Variants in ADGRL2 observed in about 807,000 individuals in gnomAD.
ADGRL2 encodes the protein adhesion G protein-coupled receptor L2.
ADGRL2 carries 44 observed loss-of-function variants against 157.4 expected under a neutral mutation model. The observed-to-expected ratio is 0.28, with a 90% CI of 0.22 to 0.36. The LOEUF is 0.36. ADGRL2 is among the 10% of genes least tolerant of loss of function. ADGRL2 has a pLI of 1.00. For synonymous variants in ADGRL2, 585 were observed against 624.7 expected (o/e 0.94, Z 0.95); for missense variants, 1,510 against 1,768.9 (o/e 0.85, Z 2.63).
chr1:81,683,655 A>ATGTGTGTG (rs142461133), intron 3 of ADGRL2, among the ~76,000 whole-genome samples: 8 of 150,750 alleles, frequency 5.3e-5, no homozygotes, highest in Admixed American at 2.6e-4. Flanking sequence ...GTATTCCATT[A>ATGTGTGTG]TGTGTGTGTG....
At chr1:81,554,650 T>C (rs2080230259) in intron 2 of ADGRL2, among the ~76,000 whole-genome samples, 1 of 152,122 alleles carries the variant, frequency 6.6e-6, no homozygotes, top group African/African-American at 2.4e-5. Context: ...TTATTTAGGC[T>C]TTTAGTCAAG....
intron 1 of ADGRL2, among the ~76,000 whole-genome samples, chr1:81,421,793 T>C (rs1314772481): frequency 6.6e-6 from 1 of 152,184 alleles, no homozygotes; most frequent in Non-Finnish European, 1.5e-5. Flanking sequence ...TAGTTGCCTC[T>C]TTTTGGCATA....
rs1658833004 is a variant in ADGRL2, at chr1:81,971,795, T to C, written c.2955-57T>C. On this transcript the variant is annotated intron_variant, in intron 16 of 23. Coordinates refer to ENST00000686636, the MANE Select transcript of ADGRL2 (RefSeq NM_001366006.2). The stretch of plus-strand genomic sequence containing the variant: ...TAGGTTTTTAAAATCCTATTTTCCT[T>C]GTGATGTTGAGGTTCCATAGAAACT... 3 of 889,090 alleles carry C rather than the reference T, an allele frequency of 3.4e-6. No individual in the cohort carries two copies. The East Asian group carries it at 7.4e-5, about 22-fold the overall frequency. The allele number at this position is 889,090 out of a possible 1,614,324, so 55.1% of individuals were successfully genotyped here.
At chr1:81,585,740 A>G (rs986217229) in intron 3 of ADGRL2, among the ~76,000 whole-genome samples, 1 of 152,096 alleles carries the variant, frequency 6.6e-6, no homozygotes, top group Non-Finnish European at 1.5e-5. Context: ...GAAAAGTCCA[A>G]CAGTGGTTCC....
intron 2 of ADGRL2, among the ~76,000 whole-genome samples, chr1:81,543,739 C>T (rs7527341): frequency 0.32 from 48,710 of 151,862 alleles, 8,362 homozygotes; most frequent in East Asian, 0.51. Flanking sequence ...AAGAACCCTA[C>T]GATAGTTTCC....
chr1:81,393,156 C>G (rs1490256318), intron 1 of ADGRL2, among the ~76,000 whole-genome samples: 1 of 152,044 alleles, frequency 6.6e-6, no homozygotes, highest in Non-Finnish European at 1.5e-5. Context: ...AACTAGTTCC[C>G]TACTCTCTCA....
intron 1 of ADGRL2, among the ~76,000 whole-genome samples, chr1:81,819,704 C>T (rs1316976579): frequency 1.3e-5 from 2 of 152,090 alleles, no homozygotes; most frequent in Non-Finnish European, 2.9e-5. Flanking sequence ...TAAAAGCTAT[C>T]GTAATCTGGT....
intron 3 of ADGRL2, among the ~76,000 whole-genome samples, chr1:81,630,677 G>A (rs1368744827): frequency 6.6e-6 from 1 of 151,900 alleles, no homozygotes; most frequent in Non-Finnish European, 1.5e-5. Context: ...TTATATATTG[G>A]GCTTGATTAG....
intron 2 of ADGRL2, among the ~76,000 whole-genome samples, chr1:81,521,264 TA>T (rs1234048886): frequency 1.8e-4 from 27 of 152,204 alleles, no homozygotes; most frequent in African/African-American, 5.5e-4. Flanking sequence ...AATTATACTA[TA>T]TAGTGATGTG....
intron 1 of ADGRL2, among the ~76,000 whole-genome samples, chr1:81,324,776 T>C (rs1660776576): frequency 6.6e-6 from 1 of 151,960 alleles, no homozygotes; most frequent in African/African-American, 2.4e-5. Flanking sequence ...GAAAGCAGTG[T>C]CTCAATCTCG....
Position 81,985,242 on chromosome 1 carries a change from C to CTGTTT in ADGRL2, c.3412-13_3412-9dup, listed in dbSNP as rs1302410779. 1.4e-6 allele frequency: 2 copies of CTGTTT among 1,381,824 alleles called. No individual in the cohort carries two copies. The highest frequency in any genetic ancestry group is 1.8e-5 in the Admixed American group (1 of 55,404). 85.6% of individuals were successfully genotyped at this position (1,381,824 alleles called of 1,614,324 possible). ...AAACTAACAAAACATATTTGTCTTG[C>CTGTTT]TGTTTTGTATTAATAGAGTCGTATA... On this transcript the variant is annotated splice_polypyrimidine_tract_variant and intron_variant, in intron 20 of 23. Transcript: ENST00000686636.
At chr1:81,367,323 A>G (rs2076083581) in intron 1 of ADGRL2, among the ~76,000 whole-genome samples, 1 of 152,190 alleles carries the variant, frequency 6.6e-6, no homozygotes, top group Non-Finnish European at 1.5e-5. Context: ...CCCATCACCC[A>G]GGTATTAAGC....
At position 81,950,938 on chromosome 1, in the gene ADGRL2, G is replaced by A. The variant is rs1651579390; in HGVS notation, c.1505-80G>A. On this transcript the variant is annotated intron_variant, in intron 7 of 23. Coordinates refer to ENST00000686636, the MANE Select transcript of ADGRL2 (RefSeq NM_001366006.2). ...GTTTATTCAAAATTTAACACGCAGA[G>A]CAGGATCATCATAGCTGATTCCCGA... The A allele has an allele frequency of 5.7e-6, 5 of 876,704 alleles. No individual in the cohort carries two copies. The East Asian group carries it at 9.7e-5, about 17-fold the overall frequency. The allele number at this position is 876,704 out of a possible 1,614,324, so 54.3% of individuals were successfully genotyped here.
chr1:81,803,937 T>C (rs2088719625), intron 1 of ADGRL2, among the ~76,000 whole-genome samples: 1 of 152,214 alleles, frequency 6.6e-6, no homozygotes, highest in Non-Finnish European at 1.5e-5. Context: ...ATGAAGAAAG[T>C]CACATCCTTT....
At chr1:81,400,816 G>A (rs1284882955) in intron 1 of ADGRL2, among the ~76,000 whole-genome samples, 1 of 152,080 alleles carries the variant, frequency 6.6e-6, no homozygotes, top group Non-Finnish European at 1.5e-5. Context: ...TGGGAAGCGG[G>A]TCCAGCTCCA....
At chr1:81,892,068 A>G (rs2094282286) in intron 2 of ADGRL2, among the ~76,000 whole-genome samples, 1 of 151,758 alleles carries the variant, frequency 6.6e-6, no homozygotes, top group African/African-American at 2.4e-5. Flanking sequence ...TTTTAGGTTG[A>G]GATACATTTT....
chr1:81,943,841 T>C lies in ADGRL2; in HGVS notation c.1210+72T>C. On this transcript the variant is annotated intron_variant, in intron 6 of 23. Transcript: ENST00000686636. The surrounding 1 kb of genome is among the most constrained non-coding windows in gnomAD (Gnocchi z 5.6). Reference sequence around the variant, plus strand: ...TTTTTCTTTTTAAAGACTTCTTAATTTTTTTTTCCTATTTTCTTCCCCTTT... The same window carrying C: ...TTTTTCTTTTTAAAGACTTCTTAATCTTTTTTTCCTATTTTCTTCCCCTTT... 8.2e-7 allele frequency: 1 copy of C among 1,224,182 alleles called. No homozygotes were observed. The highest frequency in any genetic ancestry group is 1.2e-6 in the Non-Finnish European group (1 of 868,646). The allele number at this position is 1,224,182 out of a possible 1,614,324, so 75.8% of individuals were successfully genotyped here.
At chr1:81,834,323 GTTAT>G (rs905986797) in intron 1 of ADGRL2, among the ~76,000 whole-genome samples, 2 of 152,102 alleles carry the variant, frequency 1.3e-5, no homozygotes, top group African/African-American at 4.8e-5. Flanking sequence ...TTCTGGTTTT[GTTAT>G]TTGTTTTTGT....
chr1:81,465,674 C>T (rs2078037777), intron 2 of ADGRL2, among the ~76,000 whole-genome samples: 1 of 152,112 alleles, frequency 6.6e-6, no homozygotes, highest in South Asian at 2.1e-4. Context: ...TTTATAGTGC[C>T]TTTGTGTCAC....
Sources: allele counts gnomAD v4.1 joint callset (sites outside exome capture counted in the v4.1 genomes callset), GRCh38; gene constraint gnomAD v4.1.1; non-coding constraint Gnocchi (gnomAD v3.1); transcripts MANE v1.5; gene names NCBI Gene and HGNC (gene_info 2026-07-23, HGNC 2026-07-21).